The following RBFOX1 variants were observed in gnomAD, a reference collection of about 807,000 sequenced individuals.
The protein encoded by RBFOX1 is RNA binding fox-1 homolog 1.
In RBFOX1, 8 loss-of-function variants were observed where a neutral mutation model predicts 57.7. That is an observed-to-expected ratio of 0.14 (90% CI 0.08 to 0.25). The LOEUF (loss-of-function observed/expected upper bound fraction) is 0.25. RBFOX1 is among the 10% of genes least tolerant of loss of function. RBFOX1 has a pLI of 1.00. For synonymous variants in RBFOX1, 326 were observed against 222.4 expected (o/e 1.47, Z -4.15); for missense variants, 611 against 548.5 (o/e 1.11, Z -1.14).
chr16:7,292,013 A>G (rs1219547350), intron 4 of RBFOX1, among the ~76,000 whole-genome samples: 1 of 141,280 alleles, frequency 7.1e-6, no homozygotes, highest in East Asian at 2.0e-4. Context: ...TGTATTATAT[A>G]TTGTATATAT....
At chr16:5,913,752 A>G (rs1020289267) in intron 4 of RBFOX1, among the ~76,000 whole-genome samples, 19 of 152,226 alleles carry the variant, frequency 1.2e-4, no homozygotes, top group Non-Finnish European at 2.8e-4. Context: ...CCAGCAACAC[A>G]TCCAAAATGC....
At chr16:5,444,992 C>T (rs2068198228) in intron 1 of RBFOX1, among the ~76,000 whole-genome samples, 1 of 152,192 alleles carries the variant, frequency 6.6e-6, no homozygotes, top group Admixed American at 6.5e-5. Context: ...AACACCCTGT[C>T]ATCTTCCTCC....
intron 4 of RBFOX1, among the ~76,000 whole-genome samples, chr16:7,190,534 A>G (rs1420501237): frequency 6.6e-6 from 1 of 151,250 alleles, no homozygotes; most frequent in Non-Finnish European, 1.5e-5. Context: ...TCTCTATCTG[A>G]TGAGCTGGAG....
rs565995293 is a variant in RBFOX1 at position 6,790,281 on chromosome 16, T to A, written c.-16+135631T>A. Among the ~76,000 whole-genome samples the A allele has an allele frequency of 8.6e-5, 13 of 151,840 alleles. No individual in the cohort carries two copies. In the East Asian group the frequency reaches 2.5e-3, roughly 30 times the overall value. ...CTTAGTGCAACCTCTGCCTCCAGGG[T>A]TCCAGCCATTCTCCTGCCTCAGCTT... On this transcript the variant is annotated intron_variant, in intron 3 of 15. Coordinates refer to ENST00000550418, the MANE Select transcript of RBFOX1 (RefSeq NM_018723.4).
chr16:7,109,319 A>C (rs2064201533), intron 4 of RBFOX1, among the ~76,000 whole-genome samples: 1 of 152,172 alleles, frequency 6.6e-6, no homozygotes, highest in Non-Finnish European at 1.5e-5. Context: ...CATGCCGTGA[A>C]ACAAAGAGAA....
chr16:6,390,130 G>A (rs79997993), intron 2 of RBFOX1, among the ~76,000 whole-genome samples: 5,036 of 152,318 alleles, frequency 0.033, 118 homozygotes, highest in Middle Eastern at 0.078. Flanking sequence ...ATGCTAATCC[G>A]TTAATTAGAA....
chr16:6,197,334 C>T (rs1263132630), intron 1 of RBFOX1, among the ~76,000 whole-genome samples: 1 of 152,080 alleles, frequency 6.6e-6, no homozygotes, highest in African/African-American at 2.4e-5. Context: ...GACCCCTGGA[C>T]ACCCTTCATT....
At chr16:6,411,348 C>G (rs2152971332) in intron 2 of RBFOX1, among the ~76,000 whole-genome samples, 1 of 152,288 alleles carries the variant, frequency 6.6e-6, no homozygotes, top group Non-Finnish European at 1.5e-5. Context: ...CTGTACATAG[C>G]TTGATCAAAA....
chr16:5,345,721 C>T (rs956875621), intron 1 of RBFOX1, among the ~76,000 whole-genome samples: 2 of 152,218 alleles, frequency 1.3e-5, no homozygotes, highest in Non-Finnish European at 2.9e-5. Flanking sequence ...CTTTCCGATG[C>T]ATGGGAGAGA....
chr16:6,447,554 G>A (rs1313520792), intron 2 of RBFOX1, among the ~76,000 whole-genome samples: 1 of 152,184 alleles, frequency 6.6e-6, no homozygotes, highest in African/African-American at 2.4e-5. Flanking sequence ...ATATCAGAGT[G>A]CCTGTTTTTA....
intron 2 of RBFOX1, among the ~76,000 whole-genome samples, chr16:6,632,721 G>C (rs569525769): frequency 6.6e-6 from 1 of 152,292 alleles, no homozygotes; most frequent in South Asian, 2.1e-4. Flanking sequence ...AACCAACCTG[G>C]AATTTATTGA....
chr16:7,144,699 C>G (rs555726302), intron 4 of RBFOX1, among the ~76,000 whole-genome samples: 2 of 152,180 alleles, frequency 1.3e-5, no homozygotes, highest in East Asian at 3.9e-4. Context: ...GAGCAGCTTC[C>G]CTCCGCTTTC....
intron 3 of RBFOX1, among the ~76,000 whole-genome samples, chr16:6,901,695 G>C (rs980548375): frequency 6.6e-6 from 1 of 152,186 alleles, no homozygotes; most frequent in African/African-American, 2.4e-5. Context: ...TTTCTGCAGA[G>C]ATAATTTGTT....
intron 1 of RBFOX1, among the ~76,000 whole-genome samples, chr16:5,369,048 C>T (rs561014386): frequency 6.6e-5 from 10 of 152,186 alleles, no homozygotes; most frequent in East Asian, 1.9e-4. Flanking sequence ...GTTGCCCAGG[C>T]TGGAGTGCAG....
At chr16:7,292,924 A>G (rs1193155405) in intron 4 of RBFOX1, among the ~76,000 whole-genome samples, 2 of 152,150 alleles carry the variant, frequency 1.3e-5, no homozygotes, top group Non-Finnish European at 2.9e-5. Context: ...CCGAGCTTTT[A>G]AGGAGCAGGA....
chr16:6,153,399 A>G (rs116206041), intron 1 of RBFOX1, among the ~76,000 whole-genome samples: 5,642 of 152,298 alleles, frequency 0.037, 154 homozygotes, highest in African/African-American at 0.066. Flanking sequence ...TTAAATATGG[A>G]AACACACAAT....
chr16:5,691,713 G>T (rs543661907), intron 3 of RBFOX1, among the ~76,000 whole-genome samples: 8 of 152,128 alleles, frequency 5.3e-5, no homozygotes, highest in Non-Finnish European at 1.2e-4. Flanking sequence ...TTCAGATGAG[G>T]GATGCTCAAC....
intron 3 of RBFOX1, among the ~76,000 whole-genome samples, chr16:5,840,828 C>G (rs577039723): frequency 2.8e-4 from 43 of 152,218 alleles, no homozygotes; most frequent in African/African-American, 9.9e-4. Context: ...GGGAACCACT[C>G]TCAGTGTTGC....
rs1451346238 is a variant in RBFOX1 at position 5,946,553 on chromosome 16, A to T, written c.351+79218A>T. Among the ~76,000 whole-genome samples the T allele has an allele frequency of 1.3e-5, 2 of 151,714 alleles. No individual in the cohort carries two copies. Among genetic ancestry groups the T allele is most frequent in the South Asian group, 2.1e-4 (1 of 4,812 alleles). ...CTTCCCCGTATCTCACTCTATGCAT[A>T]TTTTTTTCCAACTGGGTGTTCCTGA... On this transcript the variant is annotated intron_variant, in intron 4 of 19. Coordinates refer to the RBFOX1 transcript ENST00000641259. This position sits in a 1 kb window ranked among gnomAD's most constrained non-coding sequence, Gnocchi z 4.6.
Sources: allele counts gnomAD v4.1 joint callset (sites outside exome capture counted in the v4.1 genomes callset), GRCh38; gene constraint gnomAD v4.1.1; non-coding constraint Gnocchi (gnomAD v3.1); transcripts MANE v1.5; gene names NCBI Gene and HGNC (gene_info 2026-07-23, HGNC 2026-07-21).